AFF3: variants seen among roughly 807,000 people sequenced by gnomAD.
AFF3 encodes the protein AF4/FMR2 family member 3.
Under a neutral mutation model 129.7 loss-of-function variants are expected in AFF3, and 32 were observed. The observed-to-expected ratio is 0.25, with a 90% CI of 0.19 to 0.33. The LOEUF is 0.33. AFF3 is among the 10% of genes least tolerant of loss of function. AFF3 has a pLI of 1.00. For synonymous variants in AFF3, 644 were observed against 635.4 expected, an observed-to-expected ratio of 1.01 and a Z score of -0.20; for missense variants, 1,373 against 1,592.0, an observed-to-expected ratio of 0.86 and a Z score of 2.34.
intron 13 of AFF3, among the ~76,000 whole-genome samples, chr2:99,648,640 T>C (rs1684906401): frequency 6.6e-6 from 1 of 152,060 alleles, no homozygotes; most frequent in Non-Finnish European, 1.5e-5. Context: ...CACCAGATAA[T>C]TCGCCTAAGT....
intron 2 of AFF3, among the ~76,000 whole-genome samples, chr2:100,108,017 G>A (rs1041225366): frequency 6.6e-6 from 1 of 152,144 alleles, no homozygotes; most frequent in African/African-American, 2.4e-5. Context: ...AGGTGGTACT[G>A]CTGGAAGGTG....
intron 7 of AFF3, among the ~76,000 whole-genome samples, chr2:99,964,619 C>T (rs187270831): frequency 2.6e-4 from 40 of 152,138 alleles, no homozygotes; most frequent in African/African-American, 7.9e-4. Context: ...TAATGCTGAG[C>T]GGGGAATTTA....
chr2:100,001,741 T>C (rs1247852070), intron 7 of AFF3, among the ~76,000 whole-genome samples: 1 of 152,230 alleles, frequency 6.6e-6, no homozygotes, highest in Non-Finnish European at 1.5e-5. Flanking sequence ...TGCTTCACCT[T>C]TTAAGACCCC....
chr2:99,744,213 T>C, intron 9 of AFF3, 73 bp from the exon 10 acceptor site: 2 of 1,367,678 alleles, frequency 1.5e-6, no homozygotes, highest in East Asian at 2.3e-5. Flanking sequence ...TGAGATCATG[T>C]TTAAAACTGG....
At chr2:99,734,614 A>G (rs1680100342) in intron 10 of AFF3, among the ~76,000 whole-genome samples, 1 of 151,806 alleles carries the variant, frequency 6.6e-6, no homozygotes, top group Non-Finnish European at 1.5e-5. Flanking sequence ...CTTTTTCTTA[A>G]TTTATTGAAA....
At chr2:100,130,420 A>G (rs1692379335) in intron 1 of AFF3, among the ~76,000 whole-genome samples, 1 of 152,162 alleles carries the variant, frequency 6.6e-6, no homozygotes, top group Admixed American at 6.5e-5. Flanking sequence ...AGTGCACCCC[A>G]TGGGCACAGG....
chr2:100,006,758 A>G lies in AFF3; in HGVS notation c.747T>C (p.Pro249=). The part of the protein sequence containing the change: ...DGQDQAPDES[P]KLKSSSETSV... ...TGGTTTCCGAAGACGACTTCAGCTT[A>G]GGAGACTCATCAGGGGCCTGATCTT... Residue 249 remains proline (P), a synonymous_variant, in exon 7 of 25, where the codon CCT becomes CCC. Transcript: ENST00000672756. 1.2e-6 allele frequency: 2 copies of G among 1,614,174 alleles called. No homozygotes were observed. The highest frequency in any genetic ancestry group is 1.7e-6 in the Non-Finnish European group (2 of 1,180,028).
chr2:99,843,100 A>G (rs967511101), intron 7 of AFF3, among the ~76,000 whole-genome samples: 2 of 152,236 alleles, frequency 1.3e-5, no homozygotes, highest in Non-Finnish European at 2.9e-5. Flanking sequence ...TTGATTTATC[A>G]CAAACCTGAC....
chr2:99,686,610 C>CA (rs1387113489), intron 11 of AFF3, among the ~76,000 whole-genome samples: 1 of 152,038 alleles, frequency 6.6e-6, no homozygotes, highest in Non-Finnish European at 1.5e-5. Context: ...CCTGTAATTG[C>CA]AAAAAAATAC....
chr2:99,686,700 C>A (rs1272569251), intron 11 of AFF3, among the ~76,000 whole-genome samples: 1 of 152,162 alleles, frequency 6.6e-6, no homozygotes, highest in Non-Finnish European at 1.5e-5. Flanking sequence ...CAGCGGTAGC[C>A]CCCAAATGGG....
At chr2:99,870,464 G>C (rs544806986) in intron 7 of AFF3, among the ~76,000 whole-genome samples, 3 of 152,192 alleles carry the variant, frequency 2.0e-5, no homozygotes, top group Admixed American at 6.5e-5. Flanking sequence ...TGAGAAAAGC[G>C]GGGTTGTACC....
At chr2:99,898,022 G>A (rs985537566) in intron 7 of AFF3, among the ~76,000 whole-genome samples, 7 of 152,290 alleles carry the variant, frequency 4.6e-5, no homozygotes, top group African/African-American at 1.7e-4. Flanking sequence ...GATAAGCTGG[G>A]TTGACAAGTC....
At chr2:99,985,764 A>G (rs1009343578) in intron 7 of AFF3, among the ~76,000 whole-genome samples, 3 of 152,188 alleles carry the variant, frequency 2.0e-5, no homozygotes, top group Non-Finnish European at 2.9e-5. Flanking sequence ...GGGGCACAGG[A>G]GAGCTTCTTC....
chr2:100,010,276 T>A (rs1682396299), intron 4 of AFF3, among the ~76,000 whole-genome samples: 1 of 152,220 alleles, frequency 6.6e-6, no homozygotes, highest in South Asian at 2.1e-4. Context: ...TTTTAAAAGC[T>A]AAATAACTAT....
intron 18 of AFF3, among the ~76,000 whole-genome samples, chr2:99,569,542 G>C (rs1053259797): frequency 2.0e-5 from 3 of 152,182 alleles, no homozygotes; most frequent in African/African-American, 4.8e-5. Flanking sequence ...TGATTAGCTA[G>C]CTGGTAAACA....
intron 8 of AFF3, among the ~76,000 whole-genome samples, chr2:99,795,005 T>C (rs1685462238): frequency 6.6e-6 from 1 of 152,150 alleles, no homozygotes; most frequent in Non-Finnish European, 1.5e-5. Context: ...CTCTCCAGCT[T>C]AAAACCCTTC....
intron 8 of AFF3, among the ~76,000 whole-genome samples, chr2:99,783,716 T>C (rs1389633483): frequency 1.3e-5 from 2 of 152,350 alleles, no homozygotes; most frequent in East Asian, 3.9e-4. Flanking sequence ...GAAGCTGTCA[T>C]TTGCAGAAAC....
chr2:99,778,960 T>C (rs1290859089), intron 8 of AFF3, among the ~76,000 whole-genome samples: 1 of 151,264 alleles, frequency 6.6e-6, no homozygotes, highest in Non-Finnish European at 1.5e-5. Context: ...GGGTTTTCTA[T>C]ATGGAAGATA....
intron 7 of AFF3, among the ~76,000 whole-genome samples, chr2:99,994,336 A>C (rs1051046869): frequency 6.6e-6 from 1 of 152,196 alleles, no homozygotes; most frequent in East Asian, 1.9e-4. Context: ...TCCAAATTCG[A>C]TGAAACCAAA....
Sources: allele counts gnomAD v4.1 joint callset (sites outside exome capture counted in the v4.1 genomes callset), GRCh38; gene constraint gnomAD v4.1.1; transcripts MANE v1.5; gene names NCBI Gene and HGNC (gene_info 2026-07-23, HGNC 2026-07-21).